ACAD9: variants seen among roughly 807,000 people sequenced by gnomAD.
ACAD9 encodes complex I assembly factor ACAD9, mitochondrial.
In ACAD9, 53 loss-of-function variants were observed where a neutral mutation model predicts 70.2. The observed-to-expected ratio is 0.75, with a 90% CI of 0.61 to 0.95. ACAD9 has a LOEUF of 0.95. Ranked by LOEUF, ACAD9 falls within the 40% of genes least tolerant of loss-of-function variation. The pLI is 0.00. For synonymous variants in ACAD9, 313 were observed against 312.1 expected, an observed-to-expected ratio of 1.00 and a Z score of -0.03; for missense variants, 777 against 802.8, an observed-to-expected ratio of 0.97 and a Z score of 0.39.
At chr3:128,898,603 T>C (rs1456601586) in intron 6 of ACAD9, 1 of 317,884 alleles carries the variant, frequency 3.1e-6, no homozygotes, top group Non-Finnish European at 6.1e-6. Context: ...TTTCACCGTG[T>C]TGCCCAGGTT....
At chr3:128,910,252 G>A (rs1355345816) in intron 16 of ACAD9, 103 bp downstream of exon 16, 2 of 1,568,532 alleles carry the variant, frequency 1.3e-6, no homozygotes, top group Admixed American at 3.7e-5. Flanking sequence ...GTGTGGGGGA[G>A]GCTGTGCAGG....
At chr3:128,879,904 A>G (rs774582850) in intron 1 of ACAD9, 63 bp downstream of exon 1, 1 of 1,612,004 alleles carries the variant, frequency 6.2e-7, no homozygotes, top group Non-Finnish European at 8.5e-7. Flanking sequence ...CAGCTGCAAG[A>G]CTGGTGTTGA....
chr3:128,899,550 G>C, intron 7 of ACAD9, 89 bp downstream of exon 7: 2 of 1,408,360 alleles, frequency 1.4e-6, no homozygotes, highest in African/African-American at 1.4e-5. Flanking sequence ...GTGTGTGTGT[G>C]TGTGTGTGTG....
intron 2 of ACAD9, among the ~76,000 whole-genome samples, chr3:128,892,798 G>A (rs1935459920): frequency 6.6e-6 from 1 of 152,188 alleles, no homozygotes; most frequent in Non-Finnish European, 1.5e-5. Flanking sequence ...ACTGCCATGA[G>A]GTGGCTATCT....
Position 128,884,487 on chromosome 3 carries a change from G to A in ACAD9, c.151-166G>A, listed in dbSNP as rs566886864. ...GTGGTGGAGCCTGCACATAGTTTCT[G>A]TATCTCAGGAACCTTGTGAGGTTTG... On this transcript the variant is annotated intron_variant, in intron 1 of 17. Transcript: ENST00000308982. Among the ~76,000 whole-genome samples the A allele has an allele frequency of 6.6e-5, 10 of 152,292 alleles. No individual in the cohort carries two copies. In the South Asian group the frequency reaches 1.9e-3, roughly 28 times the overall value.
chr3:128,895,402 G>A lies in ACAD9; in HGVS notation c.439G>A (p.Ala147Thr), dbSNP rs780292473. Residue 147 changes from alanine (A) to threonine (T), a missense_variant, in exon 4 of 18, where the codon GCT (alanine) becomes ACT (threonine). Physicochemically the swap from Ala to Thr is moderately conservative, Grantham distance 58. Coordinates refer to ENST00000308982, the MANE Select transcript of ACAD9 (RefSeq NM_014049.5). ...SITVTLAAHQ[A>T]IGLKGIILAG... Reference sequence around the variant, plus strand: ...CACTGTGACCCTGGCAGCGCACCAGGCTATTGGCCTCAAGGTCAGGTATCT... The same window carrying A: ...CACTGTGACCCTGGCAGCGCACCAGACTATTGGCCTCAAGGTCAGGTATCT... 4.3e-6 allele frequency: 7 copies of A among 1,609,316 alleles called. No individual in the cohort carries two copies. Among genetic ancestry groups the A allele is most frequent in the Non-Finnish European group, 5.9e-6 (7 of 1,177,794 alleles).
intron 2 of ACAD9, among the ~76,000 whole-genome samples, chr3:128,887,082 G>A (rs867476593): frequency 1.3e-5 from 2 of 151,966 alleles, no homozygotes; most frequent in African/African-American, 2.4e-5. Context: ...GCACCGCCAC[G>A]CCTGGCTAAT....
chr3:128,898,083 C>G (rs1935618101), intron 6 of ACAD9, among the ~76,000 whole-genome samples: 1 of 152,176 alleles, frequency 6.6e-6, no homozygotes, highest in Admixed American at 6.5e-5. Flanking sequence ...TCTTGAACTC[C>G]TGACCTCAAG....
chr3:128,895,183 G>T, intron 3 of ACAD9, 127 bp from the exon 4 acceptor site: 1 of 785,308 alleles, frequency 1.3e-6, no homozygotes, highest in African/African-American at 1.8e-5. Flanking sequence ...GGCCTGTATT[G>T]TGATTTTTTT....
In ACAD9 at chr3:128,904,473, C is replaced by T; in HGVS notation, c.1117C>T (p.Pro373Ser). 1 of 1,614,178 alleles carries T rather than the reference C, an allele frequency of 6.2e-7. No homozygotes were observed. The highest frequency in any genetic ancestry group is 8.5e-7 in the Non-Finnish European group (1 of 1,180,046). Residue 373 changes from proline to serine, a missense_variant, in exon 11 of 18, where the codon CCC becomes TCC. By Grantham distance (74) the Pro-to-Ser change is moderately conservative. Transcript: ENST00000308982. The stretch of plus-strand genomic sequence containing the variant: ...AGGGATGCTGGACCAACCTGGCTTT[C>T]CCGACTGCTCCATCGAGGCAGCCAT... ...TAGMLDQPGF[P>S]DCSIEAAMVK...
At chr3:128,911,412 G>A (rs1467854028) in intron 17 of ACAD9, among the ~76,000 whole-genome samples, 4 of 152,006 alleles carry the variant, frequency 2.6e-5, no homozygotes, top group Non-Finnish European at 5.9e-5. Context: ...AGGACCCCTG[G>A]CATCTGCCCA....
In ACAD9 at chr3:128,904,429, G is replaced by A; in HGVS notation, c.1073G>A (p.Ser358Asn). 2 of 1,614,240 alleles carry A rather than the reference G, an allele frequency of 1.2e-6. No individual in the cohort carries two copies. The highest frequency in any genetic ancestry group is 1.7e-6 in the Non-Finnish European group (2 of 1,180,048). Reference sequence around the variant, plus strand: ...GCTCAGAAGGCTTACGTCATGGAGAGTATGACCTACCTCACAGCAGGGATG... The same window carrying A: ...GCTCAGAAGGCTTACGTCATGGAGAATATGACCTACCTCACAGCAGGGATG... ...LMAQKAYVME[S>N]MTYLTAGMLD... Residue 358 changes from serine to asparagine, a missense_variant, in exon 11 of 18, where the codon AGT (serine) becomes AAT (asparagine). Ser to Asn is a conservative substitution (Grantham distance 46, BLOSUM62 1). Transcript: ENST00000308982.
intron 12 of ACAD9, among the ~76,000 whole-genome samples, chr3:128,907,456 G>C (rs757399219): frequency 9.8e-4 from 150 of 152,286 alleles, no homozygotes; most frequent in Non-Finnish European, 2.0e-3. Flanking sequence ...AAGAACACAG[G>C]GCTCTCGATG....
In ACAD9 at chr3:128,899,308, C is replaced by T; in HGVS notation, c.655C>T (p.Leu219=). 3 of 1,614,236 alleles carry T rather than the reference C, an allele frequency of 1.9e-6. No individual in the cohort carries two copies. The highest frequency in any genetic ancestry group is 2.5e-6 in the Non-Finnish European group (3 of 1,180,040). ...TCAGGTCTGGATTACTAATGGAGGA[C>T]TGGCCAATATTTTTACTGTGTTTGC... ...GSKVWITNGG[L]ANIFTVFAKT... The change falls in exon 7 of 18, where the codon CTG becomes TTG. Residue 219 remains leucine (L), a synonymous_variant. Coordinates refer to ENST00000308982, the MANE Select transcript of ACAD9 (RefSeq NM_014049.5).
At chr3:128,893,127 C>A (rs1043855986) in intron 2 of ACAD9, among the ~76,000 whole-genome samples, 1 of 151,534 alleles carries the variant, frequency 6.6e-6, no homozygotes, top group Non-Finnish European at 1.5e-5. Flanking sequence ...GGGAAGATTG[C>A]TTGCGTTCAG....
chr3:128,887,413 C>G (rs1935281327), intron 2 of ACAD9, among the ~76,000 whole-genome samples: 1 of 151,796 alleles, frequency 6.6e-6, no homozygotes, highest in Non-Finnish European at 1.5e-5. Context: ...TGAGACCAGC[C>G]TAGGCAATGG....
intron 1 of ACAD9, among the ~76,000 whole-genome samples, chr3:128,882,351 C>T (rs1323578122): frequency 6.6e-6 from 1 of 152,220 alleles, no homozygotes; most frequent in East Asian, 1.9e-4. Flanking sequence ...CCTGTTCAAA[C>T]AGAACACCTG....
intron 2 of ACAD9, among the ~76,000 whole-genome samples, chr3:128,889,411 G>A (rs762872757): frequency 2.0e-5 from 3 of 152,128 alleles, no homozygotes; most frequent in Non-Finnish European, 4.4e-5. Context: ...CCATTCTGAT[G>A]TTCATACAGG....
At chr3:128,910,909 T>C in intron 17 of ACAD9, 96 bp downstream of exon 17, 1 of 1,418,802 alleles carries the variant, frequency 7.0e-7, no homozygotes, top group Non-Finnish European at 9.9e-7. Flanking sequence ...TCCCAGAGCC[T>C]GCTAGCTACT....
Sources: allele counts gnomAD v4.1 joint callset (sites outside exome capture counted in the v4.1 genomes callset), GRCh38; gene constraint gnomAD v4.1.1; transcripts MANE v1.5; gene names NCBI Gene and HGNC (gene_info 2026-07-23, HGNC 2026-07-21).